The following LRP1 variants were observed in gnomAD, a reference collection of about 807,000 sequenced individuals.
The protein encoded by LRP1 is prolow-density lipoprotein receptor-related protein 1.
In LRP1, 51 loss-of-function variants were observed where a neutral mutation model predicts 541.5. The observed-to-expected ratio is 0.09, with a 90% CI of 0.08 to 0.12. LRP1 has a LOEUF of 0.12. Among genes scored for constraint, LRP1 ranks in the 10% least tolerant of loss-of-function variants. The probability of loss-of-function intolerance (pLI) is 1.00; values close to 1 mark genes in which losing one functional copy is unlikely to be tolerated. For synonymous variants in LRP1, 2,219 were observed against 2,470.8 expected, an observed-to-expected ratio of 0.90 and a Z score of 3.02; for missense variants, 3,878 against 6,376.2, an observed-to-expected ratio of 0.61 and a Z score of 13.34.
At position 57,173,311 on chromosome 12, in the gene LRP1, G is replaced by A. The variant is rs749784346; in HGVS notation, c.3307G>A (p.Val1103Ile). The A allele has an allele frequency of 9.3e-6, 15 of 1,613,966 alleles. No homozygotes were observed. Among genetic ancestry groups the A allele is most frequent in the Middle Eastern group, 1.6e-4 (1 of 6,084 alleles). ...GAAGAGCTGTGAGGGAGTGACCCACGTCTGCGATCCCAGTGTCAAGTTTGG... is the reference window on the plus strand; with the variant it reads ...GAAGAGCTGTGAGGGAGTGACCCACATCTGCGATCCCAGTGTCAAGTTTGG... Reference protein sequence around the residue: ...DEKSCEGVTHVCDPSVKFGCK... With the variant: ...DEKSCEGVTHICDPSVKFGCK... Residue 1103 changes from valine to isoleucine, a missense_variant, in exon 21 of 89, where the codon GTC (valine) becomes ATC (isoleucine). This residue lies in a region of LRP1 where 320 missense variants were observed against 547.9 expected (regional missense o/e 0.58). Transcript: ENST00000243077. The surrounding 1 kb of genome is among the most constrained non-coding windows in gnomAD (Gnocchi z 4.7).
At position 57,162,890 on chromosome 12, in the gene LRP1, G is replaced by A; in HGVS notation, c.2437G>A (p.Gly813Ser). ...CAACAAATGCCGGGTGAACAATGGCGGCTGCAGCAGCCTGTGCTTGGCCAC... is the reference window on the plus strand; with the variant it reads ...CAACAAATGCCGGGTGAACAATGGCAGCTGCAGCAGCCTGTGCTTGGCCAC... Reference protein sequence around the residue: ...GTNKCRVNNGGCSSLCLATPG... With the variant: ...GTNKCRVNNGSCSSLCLATPG... The change falls in exon 15 of 89, where the codon GGC becomes AGC. Residue 813 changes from glycine (G) to serine (S), a missense_variant. Coordinates refer to ENST00000243077, the MANE Select transcript of LRP1 (RefSeq NM_002332.3). This position sits in a 1 kb window ranked among gnomAD's most constrained non-coding sequence, Gnocchi z 5.2. The A allele has an allele frequency of 2.5e-6, 4 of 1,607,746 alleles. No homozygotes were observed. The highest frequency in any genetic ancestry group is 1.7e-5 in the Admixed American group (1 of 59,522).
chr12:57,195,114 G>C lies in LRP1; in HGVS notation c.8308+13G>C, dbSNP rs1490366005. 27 of 1,610,774 alleles carry C rather than the reference G, an allele frequency of 1.7e-5. No individual in the cohort carries two copies. Among genetic ancestry groups the C allele is most frequent in the Non-Finnish European group, 2.3e-5 (27 of 1,177,366 alleles). On this transcript the variant is annotated intron_variant, in intron 51 of 88. Coordinates refer to ENST00000243077, the MANE Select transcript of LRP1 (RefSeq NM_002332.3). ...GCTGCTCACTGTGGTAAGGAAGCTG[G>C]GATTGGGCCGGGGGAGGTGCCCCAG...
Position 57,165,841 on chromosome 12 carries a change from C to T in LRP1, c.2567C>T (p.Pro856Leu). ...TACGTGCCTCCACCCCAGTGCCAGC[C>T]AGGCGAGTTTGCCTGTGCCAACAGC... ...PSYVPPPQCQ[P>L]GEFACANSRC... The change falls in exon 16 of 89, where the codon CCA becomes CTA. Residue 856 changes from proline (P) to leucine (L), a missense_variant. By Grantham distance (98) the Pro-to-Leu change is moderately conservative (BLOSUM62 -3). This residue lies in a region of LRP1 where 496 missense variants were observed against 861.0 expected (regional missense o/e 0.58). Coordinates refer to ENST00000243077, the MANE Select transcript of LRP1 (RefSeq NM_002332.3). This position sits in a 1 kb window ranked among gnomAD's most constrained non-coding sequence, Gnocchi z 4.5. 6.2e-7 allele frequency: 1 copy of T among 1,614,260 alleles called. No individual in the cohort carries two copies. Among genetic ancestry groups the T allele is most frequent in the East Asian group, 2.2e-5 (1 of 44,888 alleles).
intron 42 of LRP1, 41 bp from the exon 43 acceptor site, chr12:57,190,764 C>T (rs975653689): frequency 6.3e-7 from 1 of 1,587,184 alleles, no homozygotes; most frequent in African/African-American, 1.3e-5. Flanking sequence ...GTTGTGGATT[C>T]TCAGGCTTTG....
intron 15 of LRP1, chr12:57,164,973 A>G (rs2035810002): frequency 6.6e-6 from 1 of 152,042 alleles, no homozygotes; most frequent in African/African-American, 2.4e-5. Context: ...GGAGCTAAAA[A>G]CCCTTACAGA....
intron 8 of LRP1, chr12:57,155,056 G>A (rs1309034855): frequency 1.9e-5 from 10 of 532,442 alleles, no homozygotes; most frequent in Admixed American, 6.7e-5. Context: ...TTACAAAGCC[G>A]GGTGATAGCA....
chr12:57,160,316 C>T (rs932365653), intron 12 of LRP1, among the ~76,000 whole-genome samples: 1 of 152,158 alleles, frequency 6.6e-6, no homozygotes, highest in Non-Finnish European at 1.5e-5. Context: ...CTTGTCTGAC[C>T]TCATCTGCAT....
At chr12:57,182,782 C>T (rs962056396) in intron 34 of LRP1, among the ~76,000 whole-genome samples, 1 of 152,084 alleles carries the variant, frequency 6.6e-6, no homozygotes, top group Non-Finnish European at 1.5e-5. Context: ...CGTCATTGTA[C>T]TGCAGCCTGG....
In LRP1 at chr12:57,204,285, G is replaced by C; in HGVS notation, c.10952-125G>C. On this transcript the variant is annotated intron_variant, in intron 70 of 88. Transcript: ENST00000243077. This position sits in a 1 kb window ranked among gnomAD's most constrained non-coding sequence, Gnocchi z 5.3. ...CACCAAGTAGAAATTTAAGAGACCT[G>C]GTTCCAATTTGGCTGTGCCACTGCT... The C allele has an allele frequency of 1.7e-6, 2 of 1,173,270 alleles. No homozygotes were observed. The allele number at this position is 1,173,270 out of a possible 1,614,324, so 72.7% of individuals were successfully genotyped here. A position where few individuals can be genotyped will look rare whatever the true frequency, so the allele number is the denominator to read the frequency against.
Position 57,179,278 on chromosome 12 carries a change from G to T in LRP1, c.4739-51G>T. Reference sequence around the variant, plus strand: ...AGGCAGGGCCTGAAACCGGATTGGTGGGAAGCACAGAGGCAGGGACTGCCT... The same window carrying T: ...AGGCAGGGCCTGAAACCGGATTGGTTGGAAGCACAGAGGCAGGGACTGCCT... On this transcript the variant is annotated intron_variant, in intron 28 of 88. Transcript: ENST00000243077. This position sits in a 1 kb window ranked among gnomAD's most constrained non-coding sequence, Gnocchi z 6.8. 1 of 1,429,362 alleles carries T rather than the reference G, an allele frequency of 7.0e-7. No homozygotes were observed. Among genetic ancestry groups the T allele is most frequent in the Non-Finnish European group, 9.8e-7 (1 of 1,020,700 alleles). The allele number at this position is 1,429,362 out of a possible 1,614,324, so 88.5% of individuals were successfully genotyped here.
At position 57,211,547 on chromosome 12, in the gene LRP1, C is replaced by T. The variant is rs766224054; in HGVS notation, c.13152C>T (p.Gly4384=). Residue 4384 remains glycine, a synonymous_variant, in exon 85 of 89, where the codon GGC becomes GGT. Coordinates refer to ENST00000243077, the MANE Select transcript of LRP1 (RefSeq NM_002332.3). This position sits in a 1 kb window ranked among gnomAD's most constrained non-coding sequence, Gnocchi z 4.3. The part of the protein sequence containing the change: ...CLTCVGHCSN[G]GSCTMNSKMM... Reference sequence around the variant, plus strand: ...CCTGCGTCGGCCACTGCAGCAATGGCGGCTCCTGTACCATGAACAGCAAAA... The same window carrying T: ...CCTGCGTCGGCCACTGCAGCAATGGTGGCTCCTGTACCATGAACAGCAAAA... 2.3e-5 allele frequency: 37 copies of T among 1,613,960 alleles called. No individual in the cohort carries two copies. Among genetic ancestry groups the T allele is most frequent in the East Asian group, 1.6e-4 (7 of 44,902 alleles).
At position 57,177,474 on chromosome 12, in the gene LRP1, C is replaced by T. The variant is rs986103712; in HGVS notation, c.4244C>T (p.Ala1415Val). The change falls in exon 26 of 89, where the codon GCA becomes GTA. Residue 1415 changes from alanine (A) to valine (V), a missense_variant. Ala to Val is a moderately conservative substitution (Grantham distance 64). Transcript: ENST00000243077. The surrounding 1 kb of genome is among the most constrained non-coding windows in gnomAD (Gnocchi z 6.8). ...GATGCCAGCCTGCCCCGCATTGAGG[C>T]AGCCTCCATGAGTGGGGCTGGGCGC... ...DWDASLPRIEAASMSGAGRRT... is the reference protein window; with the variant it reads ...DWDASLPRIEVASMSGAGRRT... The T allele has an allele frequency of 6.2e-7, 1 of 1,611,078 alleles. No individual in the cohort carries two copies. The highest frequency in any genetic ancestry group is 8.5e-7 in the Non-Finnish European group (1 of 1,178,620).
Position 57,204,260 on chromosome 12 carries a change from C to A in LRP1, c.10952-150C>A, listed in dbSNP as rs977669841. On this transcript the variant is annotated intron_variant, in intron 70 of 88. Transcript: ENST00000243077. The surrounding 1 kb of genome is among the most constrained non-coding windows in gnomAD (Gnocchi z 5.3). ...AATACCAGAGGGGGCAGTTTGGCCC[C>A]ACCAAGTAGAAATTTAAGAGACCTG... is the stretch of plus-strand genomic sequence containing the variant. The A allele has an allele frequency of 2.5e-5, 24 of 953,776 alleles. No individual in the cohort carries two copies. The highest frequency in any genetic ancestry group is 3.6e-5 in the Non-Finnish European group (24 of 674,304). 59.1% of individuals were successfully genotyped at this position (953,776 alleles called of 1,614,324 possible). A position where few individuals can be genotyped will look rare whatever the true frequency, so the allele number is the denominator to read the frequency against.
intron 41 of LRP1, 131 bp from the exon 42 acceptor site, chr12:57,187,136 C>T: frequency 1.2e-6 from 1 of 865,652 alleles, no homozygotes; most frequent in Non-Finnish European, 1.7e-6. Flanking sequence ...TCTGCTGCAC[C>T]TCTTGCACTC....
Position 57,206,827 on chromosome 12 carries a change from C to A in LRP1, c.11859+86C>A. The A allele has an allele frequency of 1.4e-6, 2 of 1,476,034 alleles. No homozygotes were observed. Among genetic ancestry groups the A allele is most frequent in the Non-Finnish European group, 1.8e-6 (2 of 1,087,780 alleles). The allele number at this position is 1,476,034 out of a possible 1,614,324, so 91.4% of individuals were successfully genotyped here. ...CAGGATTTGAAAAGGGCAGTGCTGGCTAGGCGCAGTGGCTCACGCCTATAA... is the reference window on the plus strand; with the variant it reads ...CAGGATTTGAAAAGGGCAGTGCTGGATAGGCGCAGTGGCTCACGCCTATAA... On this transcript the variant is annotated intron_variant, in intron 76 of 88. Coordinates refer to ENST00000243077, the MANE Select transcript of LRP1 (RefSeq NM_002332.3). The surrounding 1 kb of genome is among the most constrained non-coding windows in gnomAD (Gnocchi z 4.7).
rs199956599 is a variant in LRP1, at chr12:57,178,623, G to A, written c.4606+20G>A. Reference sequence around the variant, plus strand: ...CCATGGGTAAGGGGCTCGGGGCCTCGAGCAGCCGGAAGGGAGCCAGCAGCC... The same window carrying A: ...CCATGGGTAAGGGGCTCGGGGCCTCAAGCAGCCGGAAGGGAGCCAGCAGCC... On this transcript the variant is annotated intron_variant, in intron 27 of 88. Transcript: ENST00000243077. This position sits in a 1 kb window ranked among gnomAD's most constrained non-coding sequence, Gnocchi z 5.8. The A allele has an allele frequency of 5.2e-4, 846 of 1,613,700 alleles. 4 individuals carry two copies. The African/African-American group carries it at 8.9e-3, about 17-fold the overall frequency.
At position 57,185,270 on chromosome 12, in the gene LRP1, C is replaced by A. The variant is rs1592641855; in HGVS notation, c.6463+65C>A. 1.3e-6 allele frequency: 2 copies of A among 1,588,536 alleles called. No individual in the cohort carries two copies. The highest frequency in any genetic ancestry group is 4.5e-5 in the East Asian group (2 of 44,622). On this transcript the variant is annotated intron_variant, in intron 40 of 88. Transcript: ENST00000243077. This position sits in a 1 kb window ranked among gnomAD's most constrained non-coding sequence, Gnocchi z 4.9. Reference sequence around the variant, plus strand: ...GGACTCTGGCCTGGGAGAGTGCTCCCCAGGGAACCCAGTGTGAGAGGGCTG... The same window carrying A: ...GGACTCTGGCCTGGGAGAGTGCTCCACAGGGAACCCAGTGTGAGAGGGCTG...
chr12:57,204,879 T>C lies in LRP1; in HGVS notation c.11194+130T>C, dbSNP rs2036737544. Reference sequence around the variant, plus strand: ...CTCGCCCAGGAAGGGGAGGATCCATTGCTAGGAGCCTGGGGGCTTTTCGTT... The same window carrying C: ...CTCGCCCAGGAAGGGGAGGATCCATCGCTAGGAGCCTGGGGGCTTTTCGTT... On this transcript the variant is annotated intron_variant, in intron 72 of 88. Coordinates refer to ENST00000243077, the MANE Select transcript of LRP1 (RefSeq NM_002332.3). This position sits in a 1 kb window ranked among gnomAD's most constrained non-coding sequence, Gnocchi z 5.3. 6.9e-7 allele frequency: 1 copy of C among 1,445,364 alleles called. No individual in the cohort carries two copies. Among genetic ancestry groups the C allele is most frequent in the African/African-American group, 1.4e-5 (1 of 71,146 alleles). The allele number at this position is 1,445,364 out of a possible 1,614,324, so 89.5% of individuals were successfully genotyped here. A position where few individuals can be genotyped will look rare whatever the true frequency, so the allele number is the denominator to read the frequency against.
Position 57,195,062 on chromosome 12 carries a change from G to A in LRP1, c.8269G>A (p.Asp2757Asn), listed in dbSNP as rs1359956433. 10 of 1,613,862 alleles carry A rather than the reference G, an allele frequency of 6.2e-6. No homozygotes were observed. The highest frequency in any genetic ancestry group is 2.2e-5 in the South Asian group (2 of 91,070). Reference sequence around the variant, plus strand: ...CAAGCAGTGGCTGTGTGACGGCAGCGATGACTGTGGGGATGGCTCAGACGA... The same window carrying A: ...CAAGCAGTGGCTGTGTGACGGCAGCAATGACTGTGGGGATGGCTCAGACGA... ...ISKQWLCDGS[D>N]DCGDGSDEAA... The change falls in exon 51 of 89, where the codon GAT becomes AAT. Residue 2757 changes from aspartate (D) to asparagine (N), a missense_variant. Asp to Asn is a conservative substitution (Grantham distance 23). Transcript: ENST00000243077.
Sources: gnomAD v4.1 joint callset for allele counts (sites outside exome capture counted in the v4.1 genomes callset) on GRCh38, gnomAD v4.1.1 for gene constraint, gnomAD v4.1.1 regional missense constraint, Gnocchi (gnomAD v3.1) non-coding constraint, MANE v1.5 for transcripts, NCBI Gene and HGNC (gene_info 2026-07-23, HGNC 2026-07-21) for gene names.